ST6GALNAC5: variants seen among roughly 807,000 people sequenced by gnomAD.
ST6GALNAC5 encodes the protein ST6 N-acetylgalactosaminide alpha-2,6-sialyltransferase 5.
Under a neutral mutation model 33.6 loss-of-function variants are expected in ST6GALNAC5, and 27 were observed. That is an observed-to-expected ratio of 0.80 (90% CI 0.59 to 1.11). The LOEUF (loss-of-function observed/expected upper bound fraction) is 1.11, where lower values mean the gene tolerates loss of function less well. Ranked by LOEUF, ST6GALNAC5 falls within the 50% of genes least tolerant of loss-of-function variation. The pLI, the probability that ST6GALNAC5 is intolerant of heterozygous loss-of-function variation, is 0.00. For synonymous variants in ST6GALNAC5, 194 were observed against 171.2 expected, an observed-to-expected ratio of 1.13 and a Z score of -1.04; for missense variants, 428 against 454.0, an observed-to-expected ratio of 0.94 and a Z score of 0.52.
chr1:77,057,392 T>A lies in ST6GALNAC5; in HGVS notation c.780-5583T>A, dbSNP rs555919721. ...AGCATACACATTTATTTAATATAAA[T>A]TTTACGTGACACCAGAGCCTTCAGA... On this transcript the variant is annotated intron_variant, in intron 4 of 4. Coordinates refer to ENST00000477717, the MANE Select transcript of ST6GALNAC5 (RefSeq NM_030965.3). 7.2e-5 allele frequency among the ~76,000 whole-genome samples: 11 copies of A among 152,338 alleles called. No individual in the cohort carries two copies. The East Asian group carries it at 1.7e-3, about 24-fold the overall frequency.
chr1:77,054,831 C>A (rs1000819556), intron 4 of ST6GALNAC5, among the ~76,000 whole-genome samples: 9 of 152,016 alleles, frequency 5.9e-5, no homozygotes, highest in Admixed American at 1.3e-4. Flanking sequence ...AATTGTACCC[C>A]CTAAAAGTAT....
intron 2 of ST6GALNAC5, among the ~76,000 whole-genome samples, chr1:76,951,957 T>C (rs1329774151): frequency 4.6e-5 from 7 of 152,126 alleles, no homozygotes; most frequent in African/African-American, 1.7e-4. Context: ...TGGAACCTCA[T>C]TTGCTCCTCC....
chr1:76,869,784 G>T (rs1248699603), intron 2 of ST6GALNAC5, among the ~76,000 whole-genome samples: 1 of 152,186 alleles, frequency 6.6e-6, no homozygotes, highest in Non-Finnish European at 1.5e-5. Flanking sequence ...GATTTGAAAG[G>T]TATAAAAGAA....
chr1:76,888,183 A>G (rs1653937865), intron 2 of ST6GALNAC5, among the ~76,000 whole-genome samples: 2 of 152,182 alleles, frequency 1.3e-5, no homozygotes, highest in Non-Finnish European at 2.9e-5. Flanking sequence ...TGTTGGTGGT[A>G]TGATGTGCCA....
chr1:77,016,644 G>A (rs1650862993), intron 2 of ST6GALNAC5, among the ~76,000 whole-genome samples: 1 of 152,056 alleles, frequency 6.6e-6, no homozygotes, highest in Non-Finnish European at 1.5e-5. Context: ...TGCTTTCATT[G>A]TGTAAACTGA....
intron 2 of ST6GALNAC5, among the ~76,000 whole-genome samples, chr1:77,016,593 G>T (rs1474955008): frequency 6.6e-6 from 1 of 151,986 alleles, no homozygotes; most frequent in Non-Finnish European, 1.5e-5. Context: ...GTGCTAATTA[G>T]AGATGGAGCT....
At chr1:76,972,245 C>T (rs1033913228) in intron 2 of ST6GALNAC5, among the ~76,000 whole-genome samples, 1 of 152,086 alleles carries the variant, frequency 6.6e-6, no homozygotes, top group African/African-American at 2.4e-5. Flanking sequence ...AAACCATCAG[C>T]TCTTGTGAGA....
intron 2 of ST6GALNAC5, among the ~76,000 whole-genome samples, chr1:76,877,966 A>G (rs1445182683): frequency 2.0e-5 from 3 of 152,356 alleles, no homozygotes; most frequent in East Asian, 1.9e-4. Context: ...TGCTCAAGCA[A>G]TGAAACCACA....
At position 77,063,252 on chromosome 1, in the gene ST6GALNAC5, A is replaced by G. The variant is rs757489338; in HGVS notation, c.*46A>G. The G allele has an allele frequency of 9.7e-6, 15 of 1,547,786 alleles. No homozygotes were observed. Among genetic ancestry groups the G allele is most frequent in the Non-Finnish European group, 1.2e-5 (14 of 1,125,218 alleles). ...TAATCCCAGGTATTCACTGCATCAGACACCGAGACACTGAACTTCCTGAGC... is the reference window on the plus strand; with the variant it reads ...TAATCCCAGGTATTCACTGCATCAGGCACCGAGACACTGAACTTCCTGAGC... On this transcript the variant is annotated 3_prime_UTR_variant, in exon 5 of 5. Transcript: ENST00000477717.
intron 2 of ST6GALNAC5, among the ~76,000 whole-genome samples, chr1:76,900,592 A>G (rs1646808394): frequency 6.6e-6 from 1 of 152,224 alleles, no homozygotes; most frequent in South Asian, 2.1e-4. Flanking sequence ...ATTTTAATAA[A>G]TTCCTTTGAT....
In ST6GALNAC5 at chr1:76,944,652, C is replaced by T. The variant is rs983188947; in HGVS notation, c.261+75910C>T. Among the ~76,000 whole-genome samples, 11 of 152,064 alleles carry T rather than the reference C, an allele frequency of 7.2e-5. No homozygotes were observed. The South Asian group carries it at 1.7e-3, about 23-fold the overall frequency. ...TCATCTGAAGAATGAGCCTTCCAGA[C>T]GAATTCCTTGTTAAAATAAGCCAGC... On this transcript the variant is annotated intron_variant, in intron 2 of 4. Transcript: ENST00000477717.
chr1:77,038,866 G>T (rs1651743976), intron 2 of ST6GALNAC5, among the ~76,000 whole-genome samples: 1 of 152,182 alleles, frequency 6.6e-6, no homozygotes, highest in African/African-American at 2.4e-5. Flanking sequence ...GGGTTTTGTT[G>T]GTGATGGTGC....
intron 2 of ST6GALNAC5, among the ~76,000 whole-genome samples, chr1:77,000,874 A>G (rs878919547): frequency 4.6e-5 from 7 of 152,172 alleles, no homozygotes; most frequent in Non-Finnish European, 4.4e-5. Flanking sequence ...TACCAGTACC[A>G]TGCTGTTTTG....
At chr1:76,962,796 T>C (rs1648293412) in intron 2 of ST6GALNAC5, among the ~76,000 whole-genome samples, 1 of 152,212 alleles carries the variant, frequency 6.6e-6, no homozygotes, top group African/African-American at 2.4e-5. Context: ...TTTAATCAGA[T>C]TTTTTCATAA....
chr1:76,999,322 G>A (rs572521541), intron 2 of ST6GALNAC5, among the ~76,000 whole-genome samples: 7 of 152,180 alleles, frequency 4.6e-5, no homozygotes, highest in South Asian at 2.1e-4. Context: ...TTCATCAAGA[G>A]GCAAGAGACT....
intron 2 of ST6GALNAC5, among the ~76,000 whole-genome samples, chr1:76,953,207 C>T (rs1298603047): frequency 2.0e-5 from 3 of 152,024 alleles, no homozygotes; most frequent in Non-Finnish European, 4.4e-5. Flanking sequence ...GGGATAAGTG[C>T]CTAAAACTGA....
intron 2 of ST6GALNAC5, among the ~76,000 whole-genome samples, chr1:76,903,189 T>C (rs1009808609): frequency 1.3e-5 from 2 of 152,122 alleles, no homozygotes; most frequent in Non-Finnish European, 2.9e-5. Flanking sequence ...TACAACTCAA[T>C]AATAAAACAA....
intron 2 of ST6GALNAC5, among the ~76,000 whole-genome samples, chr1:76,950,164 C>T (rs1382201338): frequency 1.3e-5 from 2 of 152,120 alleles, no homozygotes; most frequent in African/African-American, 4.8e-5. Context: ...CAAGGTCATG[C>T]ACGGTATGAA....
chr1:77,000,866 C>T (rs1176759419), intron 2 of ST6GALNAC5, among the ~76,000 whole-genome samples: 3 of 152,088 alleles, frequency 2.0e-5, no homozygotes, highest in Non-Finnish European at 4.4e-5. Flanking sequence ...TGTTTTGGTA[C>T]CAGTACCATG....
Sources: gnomAD v4.1 joint callset for allele counts (sites outside exome capture counted in the v4.1 genomes callset) on GRCh38, gnomAD v4.1.1 for gene constraint, MANE v1.5 for transcripts, NCBI Gene and HGNC (gene_info 2026-07-23, HGNC 2026-07-21) for gene names.